FXN: variants seen among roughly 807,000 people sequenced by gnomAD.
FXN encodes the protein frataxin.
Under a neutral mutation model 22.4 loss-of-function variants are expected in FXN, and 14 were observed. The ratio of observed to expected loss-of-function variants is 0.62; its 90% CI spans 0.41 to 0.98. The LOEUF (loss-of-function observed/expected upper bound fraction) is 0.98, where lower values mean the gene tolerates loss of function less well. Ranked by LOEUF, FXN falls within the 50% of genes least tolerant of loss-of-function variation. The probability of loss-of-function intolerance (pLI) is 0.00; values close to 1 mark genes in which losing one functional copy is unlikely to be tolerated. For missense variants in FXN, 267 were observed against 268.4 expected, an observed-to-expected ratio of 0.99 and a Z score of 0.04; for synonymous variants, 120 against 114.1, an observed-to-expected ratio of 1.05 and a Z score of -0.33.
chr9:69,074,767 A>C lies in FXN; in HGVS notation c.*2005A>C. On this transcript the variant is annotated 3_prime_UTR_variant, in exon 5 of 5. Coordinates refer to ENST00000484259, the MANE Select transcript of FXN (RefSeq NM_000144.5). ...AGAAAAAAAAACCTATTAATAATAA[A>C]ACAGTATAAACAAAAGCTAAATAGG... is the stretch of plus-strand genomic sequence containing the variant. 2.2e-6 allele frequency: 2 copies of C among 896,348 alleles called. No individual in the cohort carries two copies. Among genetic ancestry groups the C allele is most frequent in the Non-Finnish European group, 2.7e-6 (2 of 748,902 alleles). 55.5% of individuals were successfully genotyped at this position (896,348 alleles called of 1,614,324 possible).
intron 2 of FXN, among the ~76,000 whole-genome samples, chr9:69,047,575 A>AAGGC (rs959505853): frequency 4.6e-5 from 7 of 152,032 alleles, no homozygotes; most frequent in African/African-American, 1.7e-4. Flanking sequence ...CCTTGGCCAC[A>AAGGC]AGGCAGGCAG....
intron 1 of FXN, among the ~76,000 whole-genome samples, chr9:69,040,597 G>A (rs556435403): frequency 6.6e-6 from 1 of 152,228 alleles, no homozygotes; most frequent in African/African-American, 2.4e-5. Context: ...GAACCCGGGA[G>A]GCAGAGCTTG....
At chr9:69,070,968 C>T (rs1832263796) in intron 4 of FXN, among the ~76,000 whole-genome samples, 1 of 151,938 alleles carries the variant, frequency 6.6e-6, no homozygotes, top group African/African-American at 2.4e-5. Context: ...ACTGCAGCAG[C>T]CTGTTTTTTT....
chr9:69,072,239 AATATT>A (rs1299914031), intron 4 of FXN, among the ~76,000 whole-genome samples: 3 of 152,226 alleles, frequency 2.0e-5, no homozygotes, highest in Admixed American at 6.5e-5. Flanking sequence ...AACAACTAAT[AATATT>A]ATAGGTAAGG....
chr9:69,038,770 A>AT (rs1451120839), intron 1 of FXN, among the ~76,000 whole-genome samples: 3 of 152,114 alleles, frequency 2.0e-5, no homozygotes, highest in Admixed American at 2.0e-4. Flanking sequence ...GTGAGCCAAG[A>AT]TTTTGGGGGA....
chr9:69,074,870 G>GA lies in FXN; in HGVS notation c.*2112dup. The GA allele has an allele frequency of 3.0e-6, 3 of 985,410 alleles. No individual in the cohort carries two copies. Among genetic ancestry groups the GA allele is most frequent in the Non-Finnish European group, 3.6e-6 (3 of 829,904 alleles). 61.0% of individuals were successfully genotyped at this position (985,410 alleles called of 1,614,324 possible). On this transcript the variant is annotated 3_prime_UTR_variant, in exon 5 of 5. Coordinates refer to ENST00000484259, the MANE Select transcript of FXN (RefSeq NM_000144.5). ...AAGTGCAGTAGGCCAGTGCCAGTGA[G>GA]AAAATAAATAACATCATACATGTTT...
At chr9:69,068,853 C>T (rs1037805193) in intron 4 of FXN, among the ~76,000 whole-genome samples, 1 of 152,184 alleles carries the variant, frequency 6.6e-6, no homozygotes, top group African/African-American at 2.4e-5. Context: ...AGCAGGTCCT[C>T]GTGTCAGGAC....
At chr9:69,039,661 T>C (rs894662980) in intron 1 of FXN, among the ~76,000 whole-genome samples, 1 of 152,164 alleles carries the variant, frequency 6.6e-6, no homozygotes, top group Non-Finnish European at 1.5e-5. Context: ...GGATGTGTCT[T>C]AGTCCATTTG....
At chr9:69,064,725 A>G (rs73647065) in intron 3 of FXN, among the ~76,000 whole-genome samples, 5 of 152,166 alleles carry the variant, frequency 3.3e-5, no homozygotes, top group Non-Finnish European at 7.4e-5. Context: ...ATGAGATACA[A>G]CATCATTATG....
chr9:69,057,393 G>T (rs980204963), intron 3 of FXN, among the ~76,000 whole-genome samples: 2 of 152,154 alleles, frequency 1.3e-5, no homozygotes, highest in Non-Finnish European at 2.9e-5. Context: ...ACAACATTAG[G>T]CTAGTAGGCT....
At chr9:69,067,835 T>A (rs1041872183) in intron 4 of FXN, among the ~76,000 whole-genome samples, 1 of 152,176 alleles carries the variant, frequency 6.6e-6, no homozygotes, top group African/African-American at 2.4e-5. Flanking sequence ...GGAGGGGCTT[T>A]AAAGCAAGAA....
At chr9:69,052,570 T>C (rs1831873188) in intron 2 of FXN, among the ~76,000 whole-genome samples, 1 of 130,644 alleles carries the variant, frequency 7.7e-6, no homozygotes, top group South Asian at 2.5e-4. Flanking sequence ...TGAGACAGAG[T>C]CTCGCTCTGT....
chr9:69,036,038 C>G lies in FXN; in HGVS notation c.165+91C>G, dbSNP rs563239532. ...AGGGAGGCGCCGCGCACGCCGGGGT[C>G]GCTCCGGGTACGCGCGCTGGACTAG... On this transcript the variant is annotated intron_variant, in intron 1 of 4. Transcript: ENST00000484259. The G allele has an allele frequency of 2.4e-5, 27 of 1,136,562 alleles. No individual in the cohort carries two copies. The East Asian group carries it at 8.2e-4, about 34-fold the overall frequency. 70.4% of individuals were successfully genotyped at this position (1,136,562 alleles called of 1,614,324 possible).
chr9:69,072,524 C>T lies in FXN; in HGVS notation c.483-88C>T, dbSNP rs7025834. The T allele has an allele frequency of 0.42, 675,259 of 1,604,538 alleles. 144,670 individuals are homozygous for T. Among genetic ancestry groups the T allele is most frequent in the Admixed American group, 0.56 (33,528 of 59,954 alleles). On this transcript the variant is annotated intron_variant, in intron 4 of 4. Coordinates refer to ENST00000484259, the MANE Select transcript of FXN (RefSeq NM_000144.5). ...TTATTTTCTAGAGCTTTACTCCAGT[C>T]AATTTCTTGGGGGCAGCATTTGTGG...
chr9:69,065,025 T>G lies in FXN; in HGVS notation c.472T>G (p.Ser158Ala), dbSNP rs748916855. 1 of 1,612,848 alleles carries G rather than the reference T, an allele frequency of 6.2e-7. No individual in the cohort carries two copies. Among genetic ancestry groups the G allele is most frequent in the Non-Finnish European group, 8.5e-7 (1 of 1,178,854 alleles). The change falls in exon 4 of 5, where the codon TCT (serine) becomes GCT (alanine). Residue 158 changes from serine (S) to alanine (A), a missense_variant. By Grantham distance (99) the Ser-to-Ala change is moderately conservative (BLOSUM62 1). Coordinates refer to ENST00000484259, the MANE Select transcript of FXN (RefSeq NM_000144.5). ...QTPNKQIWLSSPSSGPKRYDW... is the reference protein window; with the variant it reads ...QTPNKQIWLSAPSSGPKRYDW... ...GCCAAACAAGCAAATCTGGCTATCTTCTCCATCCAGGTATGTAGGTATGTT... is the reference window on the plus strand; with the variant it reads ...GCCAAACAAGCAAATCTGGCTATCTGCTCCATCCAGGTATGTAGGTATGTT...
At position 69,035,890 on chromosome 9, in the gene FXN, C is replaced by G; in HGVS notation, c.108C>G (p.Leu36=). 2 of 1,490,940 alleles carry G rather than the reference C, an allele frequency of 1.3e-6. No individual in the cohort carries two copies. Among genetic ancestry groups the G allele is most frequent in the Non-Finnish European group, 1.8e-6 (2 of 1,127,038 alleles). The allele number at this position is 1,490,940 out of a possible 1,614,324, so 92.4% of individuals were successfully genotyped here. Residue 36 remains leucine (L), a synonymous_variant, in exon 1 of 5, where the codon CTC becomes CTG. Transcript: ENST00000484259. The stretch of plus-strand genomic sequence containing the variant: ...CGCGGCCGGCAGAGTTGGCCCCACT[C>G]TGCGGCCGCCGTGGCCTGCGCACCG... ...RVPRPAELAP[L]CGRRGLRTDI...
Position 69,077,791 on chromosome 9 carries a change from G to C in FXN, c.*5029G>C, listed in dbSNP as rs946176492. The C allele has an allele frequency of 1.1e-4, 61 of 576,972 alleles. No individual in the cohort carries two copies. Among genetic ancestry groups the C allele is most frequent in the Non-Finnish European group, 1.3e-4 (58 of 458,648 alleles). 35.7% of individuals were successfully genotyped at this position (576,972 alleles called of 1,614,324 possible). A position where few individuals can be genotyped will look rare whatever the true frequency, so the allele number is the denominator to read the frequency against. Reference sequence around the variant, plus strand: ...CTAAAAATACAAAAATTAGCTGGCCGTAGTGGCGCACGCCTGTTATCCCAG... The same window carrying C: ...CTAAAAATACAAAAATTAGCTGGCCCTAGTGGCGCACGCCTGTTATCCCAG... On this transcript the variant is annotated 3_prime_UTR_variant, in exon 5 of 5. Coordinates refer to ENST00000484259, the MANE Select transcript of FXN (RefSeq NM_000144.5).
intron 1 of FXN, among the ~76,000 whole-genome samples, chr9:69,038,794 A>C (rs1195740742): frequency 6.6e-6 from 1 of 152,030 alleles, no homozygotes; most frequent in African/African-American, 2.4e-5. Context: ...TGTGACATAC[A>C]AAAAAAATCA....
At chr9:69,047,177 T>C (rs1831770402) in intron 2 of FXN, among the ~76,000 whole-genome samples, 1 of 152,070 alleles carries the variant, frequency 6.6e-6, no homozygotes, top group Non-Finnish European at 1.5e-5. Context: ...GCATGGACCC[T>C]CCTTCCACAC....
Sources: gnomAD v4.1 joint callset for allele counts (sites outside exome capture counted in the v4.1 genomes callset) on GRCh38, gnomAD v4.1.1 for gene constraint, MANE v1.5 for transcripts, NCBI Gene and HGNC (gene_info 2026-07-23, HGNC 2026-07-21) for gene names.